The following PCDHA12 variants were observed in gnomAD, a reference collection of about 807,000 sequenced individuals.
PCDHA12 encodes protocadherin alpha 12, also known as protocadherin alpha-12.
A neutral mutation model predicts 60.0 loss-of-function variants in PCDHA12; 44 were observed. That is an observed-to-expected ratio of 0.73 (90% confidence interval 0.58 to 0.94). The LOEUF (loss-of-function observed/expected upper bound fraction) is 0.94, where lower values mean the gene tolerates loss of function less well. PCDHA12 is among the 40% of genes least tolerant of loss of function. The pLI is 0.00. For synonymous variants in PCDHA12, 569 were observed against 553.0 expected (o/e 1.03, Z -0.40); for missense variants, 1,276 against 1,239.7 (o/e 1.03, Z -0.44).
intron 3 of PCDHA12, among the ~76,000 whole-genome samples, chr5:140,995,389 G>T (rs1377788418): frequency 6.6e-6 from 1 of 152,190 alleles, no homozygotes; most frequent in Non-Finnish European, 1.5e-5. Context: ...GCAGGATAAA[G>T]CGGGATGGCT....
chr5:140,968,232 G>T, intron 1 of PCDHA12: 2 of 1,613,990 alleles, frequency 1.2e-6, no homozygotes, highest in Non-Finnish European at 1.7e-6. Context: ...GTGTTGCTCT[G>T]TACTGTGCAA....
intron 1 of PCDHA12, among the ~76,000 whole-genome samples, chr5:140,903,075 C>T (rs2069986128): frequency 6.6e-6 from 1 of 152,114 alleles, no homozygotes; most frequent in Non-Finnish European, 1.5e-5. Flanking sequence ...TGGGTAGATA[C>T]CTGATAGTGG....
In PCDHA12 at chr5:140,875,950, G is replaced by A; in HGVS notation, c.478G>A (p.Ala160Thr). ...SHFPLEGASDADIGVNSLLTY... is the reference protein window; with the variant it reads ...SHFPLEGASDTDIGVNSLLTY... The stretch of plus-strand genomic sequence containing the variant: ...TTTTCCTCTAGAGGGCGCTTCTGAT[G>A]CGGATATCGGCGTAAACTCTCTTTT... The change falls in exon 1 of 4, where the codon GCG becomes ACG. Residue 160 changes from alanine (A) to threonine (T), a missense_variant. Coordinates refer to ENST00000398631, the MANE Select transcript of PCDHA12 (RefSeq NM_018903.4). 1 of 1,614,166 alleles carries A rather than the reference G, an allele frequency of 6.2e-7. No homozygotes were observed. The highest frequency in any genetic ancestry group is 1.1e-5 in the South Asian group (1 of 91,084).
chr5:140,876,148 G>A lies in PCDHA12; in HGVS notation c.676G>A (p.Val226Ile). 6.2e-7 allele frequency: 1 copy of A among 1,613,954 alleles called. No homozygotes were observed. Among genetic ancestry groups the A allele is most frequent in the East Asian group, 2.2e-5 (1 of 44,888 alleles). ...DGGKPELTGS[V>I]QIQITVLDVN... ...CGGTAAACCAGAACTAACAGGGTCTGTCCAGATTCAAATAACCGTCCTGGA... is the reference window on the plus strand; with the variant it reads ...CGGTAAACCAGAACTAACAGGGTCTATCCAGATTCAAATAACCGTCCTGGA... The change falls in exon 1 of 4, where the codon GTC becomes ATC. Residue 226 changes from valine to isoleucine, a missense_variant. Transcript: ENST00000398631.
intron 1 of PCDHA12, among the ~76,000 whole-genome samples, chr5:140,888,497 A>C (rs2061848830): frequency 6.6e-6 from 1 of 152,250 alleles, no homozygotes; most frequent in Non-Finnish European, 1.5e-5. Flanking sequence ...ACTCTGCTTT[A>C]AAGAGTCTTG....
At chr5:140,982,312 T>C in intron 2 of PCDHA12, 163 bp from the exon 3 acceptor site, 1 of 1,315,948 alleles carries the variant, frequency 7.6e-7, no homozygotes, top group Non-Finnish European at 1.0e-6. Context: ...TTCTGCAGTT[T>C]ATGCAGGGTG....
chr5:140,978,994 G>A lies in PCDHA12; in HGVS notation c.2413G>A (p.Ala805Thr). The A allele has an allele frequency of 6.2e-7, 1 of 1,614,152 alleles. No homozygotes were observed. The highest frequency in any genetic ancestry group is 8.5e-7 in the Non-Finnish European group (1 of 1,180,022). The change falls in exon 2 of 4, where the codon GCA (alanine) becomes ACA (threonine). Residue 805 changes from alanine to threonine, a missense_variant. Coordinates refer to ENST00000398631, the MANE Select transcript of PCDHA12 (RefSeq NM_018903.4). ...CTGGCGTTACTCTGCCTCCCTGAGA[G>A]CAGGCATGCACAGGTATGTATTTCC... ...PDWRYSASLR[A>T]GMHSSVHLEE... is the part of the protein sequence containing the mutation.
In PCDHA12 at chr5:140,982,477, C is replaced by G. The variant is rs782587733; in HGVS notation, c.2429C>G (p.Ser810Cys). ...SASLRAGMHS[S>C]VHLEEAGILR... ...TCTGGGTCTGTGTGTTTATTCAGCT[C>G]TGTGCACCTAGAGGAGGCTGGCATT... is the stretch of plus-strand genomic sequence containing the variant. Residue 810 changes from serine to cysteine, a missense_variant and splice_region_variant, in exon 3 of 4, where the codon TCT (serine) becomes TGT (cysteine). Coordinates refer to ENST00000398631, the MANE Select transcript of PCDHA12 (RefSeq NM_018903.4). 2 of 1,614,188 alleles carry G rather than the reference C, an allele frequency of 1.2e-6. No homozygotes were observed. Among genetic ancestry groups the G allele is most frequent in the Non-Finnish European group, 1.7e-6 (2 of 1,180,030 alleles).
intron 1 of PCDHA12, among the ~76,000 whole-genome samples, chr5:140,944,057 G>A (rs1394005045): frequency 1.3e-5 from 2 of 152,130 alleles, no homozygotes; most frequent in African/African-American, 4.8e-5. Context: ...GATACAAAAA[G>A]GTTTCTTGTT....
chr5:141,000,419 A>ATTTTTT (rs1563652468), intron 3 of PCDHA12, among the ~76,000 whole-genome samples: 3 of 60,996 alleles, frequency 4.9e-5, no homozygotes, highest in African/African-American at 7.6e-5. Context: ...ATATATATAT[A>ATTTTTT]TATTTTTTTT....
chr5:141,003,574 A>G (rs559561339), intron 3 of PCDHA12, among the ~76,000 whole-genome samples: 22 of 151,680 alleles, frequency 1.5e-4, no homozygotes, highest in Admixed American at 3.9e-4. Context: ...CAGACTCCCA[A>G]AGTGCTGGGA....
chr5:141,008,199 T>G (rs966441661), intron 3 of PCDHA12, among the ~76,000 whole-genome samples: 3 of 152,338 alleles, frequency 2.0e-5, no homozygotes, highest in Admixed American at 2.0e-4. Flanking sequence ...AGTAATATAA[T>G]GAACTTGACA....
intron 1 of PCDHA12, among the ~76,000 whole-genome samples, chr5:140,962,592 G>C (rs1318639328): frequency 1.3e-5 from 2 of 152,164 alleles, no homozygotes; most frequent in Non-Finnish European, 2.9e-5. Flanking sequence ...ATATTTGACT[G>C]ATATATTTCT....
At chr5:140,998,903 G>C (rs1465203456) in intron 3 of PCDHA12, among the ~76,000 whole-genome samples, 1 of 152,156 alleles carries the variant, frequency 6.6e-6, no homozygotes, top group East Asian at 1.9e-4. Context: ...CAATGCCTCC[G>C]GGAGGTAGCT....
rs782753877 is a variant in PCDHA12, at chr5:140,876,837, C to T, written c.1365C>T (p.Phe455=). The T allele has an allele frequency of 1.9e-6, 3 of 1,614,148 alleles. No individual in the cohort carries two copies. Among genetic ancestry groups the T allele is most frequent in the Admixed American group, 3.3e-5 (2 of 60,028 alleles). ...VADVNDNAPA[F]AQPEYTVFVK... ...ACGTGAACGACAATGCGCCTGCGTT[C>T]GCGCAGCCCGAGTACACAGTGTTCG... is the stretch of plus-strand genomic sequence containing the variant. Residue 455 remains phenylalanine, a synonymous_variant, in exon 1 of 4, where the codon TTC becomes TTT. Coordinates refer to ENST00000398631, the MANE Select transcript of PCDHA12 (RefSeq NM_018903.4).
At chr5:140,883,311 C>T (rs1562787016) in intron 1 of PCDHA12, 9 of 1,613,984 alleles carry the variant, frequency 5.6e-6, no homozygotes, top group Non-Finnish European at 7.6e-6. Flanking sequence ...GATAACGCCC[C>T]AGAGGTTACC....
intron 1 of PCDHA12, among the ~76,000 whole-genome samples, chr5:140,885,719 T>C (rs1304075284): frequency 6.6e-6 from 1 of 152,210 alleles, no homozygotes; most frequent in Non-Finnish European, 1.5e-5. Flanking sequence ...TAATGTGATC[T>C]CTGTGAAATG....
chr5:140,961,856 C>T (rs781908407), intron 1 of PCDHA12, among the ~76,000 whole-genome samples: 1 of 151,570 alleles, frequency 6.6e-6, no homozygotes, highest in Non-Finnish European at 1.5e-5. Flanking sequence ...GATCATTTAT[C>T]TGGCCACAGA....
intron 1 of PCDHA12, among the ~76,000 whole-genome samples, chr5:140,974,318 A>G (rs2096622244): frequency 6.6e-6 from 1 of 152,206 alleles, no homozygotes; most frequent in Admixed American, 6.5e-5. Context: ...GTGAGAGAGT[A>G]GCTGCTGTGC....
Sources: allele counts gnomAD v4.1 joint callset (sites outside exome capture counted in the v4.1 genomes callset), GRCh38; gene constraint gnomAD v4.1.1; transcripts MANE v1.5; gene names NCBI Gene and HGNC (gene_info 2026-07-23, HGNC 2026-07-21).